Variants in TMEM108 observed in about 807,000 individuals in gnomAD.
TMEM108 encodes the protein transmembrane protein 108.
Under a neutral mutation model 35.1 loss-of-function variants are expected in TMEM108, and 12 were observed. The observed-to-expected ratio is 0.34, with a 90% confidence interval of 0.22 to 0.55. The LOEUF (loss-of-function observed/expected upper bound fraction) is 0.55. TMEM108 is among the 20% of genes least tolerant of loss of function. The pLI is 0.89. For synonymous variants in TMEM108, 287 were observed against 308.6 expected (o/e 0.93, Z 0.73); for missense variants, 680 against 753.3 (o/e 0.90, Z 1.14).
intron 2 of TMEM108, among the ~76,000 whole-genome samples, chr3:133,177,086 G>A (rs1385365545): frequency 5.3e-5 from 8 of 152,102 alleles, no homozygotes; most frequent in Admixed American, 1.3e-4. Context: ...TAAATTCCTC[G>A]ATACATACAC....
At chr3:133,300,321 A>G (rs1210477396) in intron 3 of TMEM108, among the ~76,000 whole-genome samples, 2 of 152,170 alleles carry the variant, frequency 1.3e-5, no homozygotes, top group Non-Finnish European at 2.9e-5. Context: ...CCAGTCCTGC[A>G]GCAAGAGTCC....
chr3:133,317,806 G>T (rs187813090), intron 3 of TMEM108, among the ~76,000 whole-genome samples: 1 of 152,212 alleles, frequency 6.6e-6, no homozygotes, highest in Non-Finnish European at 1.5e-5. Flanking sequence ...CCTTCCCCTC[G>T]TGGTACTGAT....
intron 2 of TMEM108, among the ~76,000 whole-genome samples, chr3:133,214,056 G>T (rs959619282): frequency 5.3e-5 from 8 of 152,120 alleles, no homozygotes; most frequent in Middle Eastern, 3.2e-3. Flanking sequence ...CTCTCAAATT[G>T]AGCTCTGGCC....
At chr3:133,288,689 G>A (rs1433777402) in intron 3 of TMEM108, among the ~76,000 whole-genome samples, 3 of 152,164 alleles carry the variant, frequency 2.0e-5, no homozygotes, top group Admixed American at 2.0e-4. Flanking sequence ...GCTCAGCACT[G>A]TGCTTAATGC....
chr3:133,070,185 T>A (rs1238454419), intron 2 of TMEM108, among the ~76,000 whole-genome samples: 1 of 152,104 alleles, frequency 6.6e-6, no homozygotes, highest in Non-Finnish European at 1.5e-5. Flanking sequence ...ACACCTTTTT[T>A]TCAGATAATT....
intron 3 of TMEM108, among the ~76,000 whole-genome samples, chr3:133,321,669 A>G (rs1286779424): frequency 6.6e-6 from 1 of 152,212 alleles, no homozygotes; most frequent in Non-Finnish European, 1.5e-5. Context: ...TATGCCCTAG[A>G]ACAAATGGAC....
At chr3:133,316,831 G>A (rs188959519) in intron 3 of TMEM108, among the ~76,000 whole-genome samples, 3 of 152,298 alleles carry the variant, frequency 2.0e-5, no homozygotes, top group Admixed American at 2.0e-4. Flanking sequence ...AGGGCCTTGG[G>A]TGATGCAAAA....
chr3:133,328,999 T>A (rs986346277), intron 3 of TMEM108, among the ~76,000 whole-genome samples: 2 of 152,032 alleles, frequency 1.3e-5, no homozygotes, highest in Non-Finnish European at 2.9e-5. Flanking sequence ...TATTTATCTG[T>A]ATGTCTTCAC....
intron 3 of TMEM108, among the ~76,000 whole-genome samples, chr3:133,262,449 C>T (rs1313370749): frequency 2.0e-5 from 3 of 152,208 alleles, no homozygotes; most frequent in Non-Finnish European, 4.4e-5. Context: ...TCTCCTCCTC[C>T]TCCCTACTTT....
At chr3:133,366,882 A>C (rs1216457432) in intron 3 of TMEM108, among the ~76,000 whole-genome samples, 3 of 152,246 alleles carry the variant, frequency 2.0e-5, no homozygotes, top group Non-Finnish European at 2.9e-5. Flanking sequence ...AACAGGCTGA[A>C]AAAGAGACCT....
intron 2 of TMEM108, among the ~76,000 whole-genome samples, chr3:133,050,209 G>T (rs1943387192): frequency 6.6e-6 from 1 of 152,098 alleles, no homozygotes; most frequent in South Asian, 2.1e-4. Flanking sequence ...GGAGTTGAGG[G>T]GAAGGAGGTG....
At chr3:133,379,574 T>C (rs1476459716) in intron 3 of TMEM108, 178 bp from the exon 4 acceptor site, 2 of 654,798 alleles carry the variant, frequency 3.1e-6, no homozygotes, top group Non-Finnish European at 5.3e-6. Context: ...ACCTACCTAA[T>C]AGACCTGCCC....
chr3:133,110,241 G>A (rs1044219206), intron 2 of TMEM108, among the ~76,000 whole-genome samples: 1 of 152,124 alleles, frequency 6.6e-6, no homozygotes, highest in Non-Finnish European at 1.5e-5. Flanking sequence ...ATTTGAGTGT[G>A]GGGGAGGGGG....
chr3:133,067,203 T>C (rs1943618604), intron 2 of TMEM108, among the ~76,000 whole-genome samples: 1 of 152,218 alleles, frequency 6.6e-6, no homozygotes, highest in African/African-American at 2.4e-5. Context: ...TAAGCTTTAC[T>C]AGATAATGTC....
At chr3:133,094,236 C>CCCCACCCCCCACCA (rs1943984645) in intron 2 of TMEM108, among the ~76,000 whole-genome samples, 1 of 126,186 alleles carries the variant, frequency 7.9e-6, no homozygotes, top group African/African-American at 2.9e-5. Context: ...ACCCCCCACC[C>CCCCACCCCCCACCA]CCCCCACACA....
intron 5 of TMEM108, among the ~76,000 whole-genome samples, chr3:133,391,060 G>A (rs943871129): frequency 6.6e-6 from 1 of 152,158 alleles, no homozygotes; most frequent in African/African-American, 2.4e-5. Context: ...AAGGATAAAG[G>A]CCCAATTAGA....
At chr3:133,145,136 T>A (rs1944699072) in intron 2 of TMEM108, among the ~76,000 whole-genome samples, 1 of 152,244 alleles carries the variant, frequency 6.6e-6, no homozygotes, top group Non-Finnish European at 1.5e-5. Context: ...GAATTAATTT[T>A]TCTATAAGAT....
intron 2 of TMEM108, among the ~76,000 whole-genome samples, chr3:133,217,041 C>T (rs1037750825): frequency 3.3e-5 from 5 of 152,058 alleles, no homozygotes; most frequent in African/African-American, 9.7e-5. Context: ...ATTTACCTTC[C>T]GATCAACAGT....
At chr3:133,118,155 GT>G (rs1275428531) in intron 2 of TMEM108, among the ~76,000 whole-genome samples, 2 of 152,100 alleles carry the variant, frequency 1.3e-5, no homozygotes, top group East Asian at 3.9e-4. Context: ...CTTACGCTAG[GT>G]TCTCTGACTT....
Sources: gnomAD v4.1 joint callset for allele counts (sites outside exome capture counted in the v4.1 genomes callset) on GRCh38, gnomAD v4.1.1 for gene constraint, MANE v1.5 for transcripts, NCBI Gene and HGNC (gene_info 2026-07-23, HGNC 2026-07-21) for gene names.